The following GLE1 variants were observed in gnomAD, a reference collection of about 807,000 sequenced individuals.
GLE1 encodes GLE1 RNA export mediator, also known as mRNA export factor GLE1.
GLE1 carries 78 observed loss-of-function variants against 97.3 expected under a neutral mutation model. The observed-to-expected ratio is 0.80, with a 90% CI of 0.67 to 0.97. The LOEUF (loss-of-function observed/expected upper bound fraction) is 0.97, where lower values mean the gene tolerates loss of function less well. Among genes scored for constraint, GLE1 ranks in the 50% least tolerant of loss-of-function variants. The pLI, the probability that GLE1 is intolerant of heterozygous loss-of-function variation, is 0.00. For missense variants in GLE1, 753 were observed against 857.5 expected, an observed-to-expected ratio of 0.88 and a Z score of 1.52; for synonymous variants, 302 against 313.4, an observed-to-expected ratio of 0.96 and a Z score of 0.39.
chr9:128,525,099 C>A, intron 6 of GLE1, 93 bp from the exon 7 acceptor site: 1 of 892,656 alleles, frequency 1.1e-6, no homozygotes, highest in Non-Finnish European at 1.9e-6. Flanking sequence ...TCCATTGGTG[C>A]AACAATTCCA....
chr9:128,512,174 A>G (rs1243943982), intron 2 of GLE1, among the ~76,000 whole-genome samples: 2 of 152,218 alleles, frequency 1.3e-5, no homozygotes, highest in Admixed American at 1.3e-4. Flanking sequence ...AGAATAGCTT[A>G]GAGATGAGGG....
At chr9:128,532,211 T>G (rs1847538039) in intron 9 of GLE1, among the ~76,000 whole-genome samples, 1 of 1,194 alleles carries the variant, frequency 8.4e-4, no homozygotes. Context: ...CTGCTTTGCT[T>G]TTTTTTTTTT....
intron 11 of GLE1, among the ~76,000 whole-genome samples, chr9:128,535,493 G>T (rs1379192656): frequency 7.6e-6 from 1 of 131,470 alleles, no homozygotes; most frequent in Admixed American, 8.9e-5. Flanking sequence ...TTGCACTCCA[G>T]CCTGGGCAAC....
At chr9:128,512,358 A>G (rs970339463) in intron 2 of GLE1, among the ~76,000 whole-genome samples, 4 of 152,134 alleles carry the variant, frequency 2.6e-5, no homozygotes, top group African/African-American at 7.2e-5. Context: ...TGAAATCTGA[A>G]TAAGCTCTGT....
Position 128,533,532 on chromosome 9 carries a change from C to G in GLE1, c.1332C>G (p.Ile444Met), listed in dbSNP as rs1296884441. ...GCTCAGGCTCAAAACTGAAGGAGAT[C>G]TTTGACAAGATCCACAGCCTGCTCT... is the stretch of plus-strand genomic sequence containing the variant. ...STIAGSKLKE[I>M]FDKIHSLLSG... Residue 444 changes from isoleucine to methionine, a missense_variant, in exon 10 of 16, where the codon ATC becomes ATG. Coordinates refer to ENST00000309971, the MANE Select transcript of GLE1 (RefSeq NM_001003722.2). 1 of 1,602,766 alleles carries G rather than the reference C, an allele frequency of 6.2e-7. No homozygotes were observed. The highest frequency in any genetic ancestry group is 1.1e-5 in the South Asian group (1 of 90,906).
At position 128,533,542 on chromosome 9, in the gene GLE1, A is replaced by G; in HGVS notation, c.1342A>G (p.Ile448Val). The G allele has an allele frequency of 6.2e-7, 1 of 1,613,158 alleles. No homozygotes were observed. The highest frequency in any genetic ancestry group is 8.5e-7 in the Non-Finnish European group (1 of 1,179,288). Residue 448 changes from isoleucine to valine, a missense_variant, in exon 10 of 16, where the codon ATC becomes GTC. Coordinates refer to ENST00000309971, the MANE Select transcript of GLE1 (RefSeq NM_001003722.2). ...AAAACTGAAGGAGATCTTTGACAAG[A>G]TCCACAGCCTGCTCTCTGGAAAACC... Reference protein sequence around the residue: ...GSKLKEIFDKIHSLLSGKPVQ... With the variant: ...GSKLKEIFDKVHSLLSGKPVQ...
rs758627953 is a variant in GLE1 at position 128,522,746 on chromosome 9, C to A, written c.511C>A (p.Arg171=). The A allele has an allele frequency of 1.8e-5, 29 of 1,612,122 alleles. No individual in the cohort carries two copies. The highest frequency in any genetic ancestry group is 1.6e-4 in the Middle Eastern group (1 of 6,076). Reference sequence around the variant, plus strand: ...GGAGATGGCATCTGAACAACTGAAGCGGTTTGATGAATGGAAGGAACTGAA... The same window carrying A: ...GGAGATGGCATCTGAACAACTGAAGAGGTTTGATGAATGGAAGGAACTGAA... ...LSEMASEQLK[R]FDEWKELKQH... The change falls in exon 4 of 16, where the codon CGG becomes AGG. Residue 171 remains arginine (R), a synonymous_variant. Coordinates refer to ENST00000309971, the MANE Select transcript of GLE1 (RefSeq NM_001003722.2).
At chr9:128,513,607 G>C (rs1429689431) in intron 2 of GLE1, among the ~76,000 whole-genome samples, 1 of 151,966 alleles carries the variant, frequency 6.6e-6, no homozygotes. Flanking sequence ...CTACTCAGAA[G>C]GCTGAGGTAG....
chr9:128,534,040 T>A lies in GLE1; in HGVS notation c.1646+89T>A, dbSNP rs534288105. On this transcript the variant is annotated intron_variant, in intron 11 of 15. Transcript: ENST00000309971. ...GAATTTGTTTTTCCCTCCTCACAGC[T>A]CCTATTACGTACCTTGAATGTTCTA... 72 of 856,196 alleles carry A rather than the reference T, an allele frequency of 8.4e-5. No homozygotes were observed. The South Asian group carries it at 9.2e-4, about 11-fold the overall frequency. The allele number at this position is 856,196 out of a possible 1,614,324, so 53.0% of individuals were successfully genotyped here.
intron 3 of GLE1, among the ~76,000 whole-genome samples, chr9:128,516,678 G>A (rs1235071056): frequency 1.3e-5 from 2 of 150,458 alleles, no homozygotes; most frequent in Non-Finnish European, 3.0e-5. Flanking sequence ...GGGCTGGAGT[G>A]CAGTGGTGCA....
chr9:128,530,873 C>T (rs1014077383), intron 9 of GLE1, among the ~76,000 whole-genome samples: 2 of 142,418 alleles, frequency 1.4e-5, no homozygotes, highest in Non-Finnish European at 3.0e-5. Flanking sequence ...AGCACCACTG[C>T]ACTCCGTCCT....
At chr9:128,523,909 T>C (rs578026288) in intron 6 of GLE1, 63 bp downstream of exon 6, 10 of 1,556,540 alleles carry the variant, frequency 6.4e-6, no homozygotes, top group Non-Finnish European at 8.8e-6. Flanking sequence ...AAAGCAAAAC[T>C]GTTTTCTGAC....
intron 1 of GLE1, among the ~76,000 whole-genome samples, chr9:128,507,757 C>T (rs536271864): frequency 1.2e-3 from 173 of 149,936 alleles, no homozygotes; most frequent in Non-Finnish European, 1.9e-3. Context: ...GTGTGGTGGT[C>T]GACACCTGTA....
chr9:128,532,215 T>C (rs900300592), intron 9 of GLE1, among the ~76,000 whole-genome samples: 1 of 139,484 alleles, frequency 7.2e-6, no homozygotes, highest in African/African-American at 2.7e-5. Context: ...TTTGCTTTTT[T>C]TTTTTTTTTT....
chr9:128,528,121 C>T (rs1847362913), intron 9 of GLE1, among the ~76,000 whole-genome samples: 1 of 148,616 alleles, frequency 6.7e-6, no homozygotes, highest in Non-Finnish European at 1.5e-5. Context: ...TCTCCTCCCT[C>T]AGCCTTCTGA....
At chr9:128,505,436 T>C (rs1440581214) in intron 1 of GLE1, among the ~76,000 whole-genome samples, 1 of 152,198 alleles carries the variant, frequency 6.6e-6, no homozygotes, top group Admixed American at 6.5e-5. Context: ...GAGTCGCTGC[T>C]AGTTAGCTAC....
intron 1 of GLE1, among the ~76,000 whole-genome samples, chr9:128,507,282 A>T (rs1214912292): frequency 6.6e-6 from 1 of 152,102 alleles, no homozygotes; most frequent in Non-Finnish European, 1.5e-5. Flanking sequence ...CGAGTGCTTG[A>T]GGCCAGTTCA....
chr9:128,517,073 T>C (rs1192304972), intron 3 of GLE1, among the ~76,000 whole-genome samples: 1 of 151,932 alleles, frequency 6.6e-6, no homozygotes, highest in East Asian at 1.9e-4. Context: ...GTGGATCACC[T>C]GAGATAAGGA....
Position 128,540,329 on chromosome 9 carries a change from G to A in GLE1, c.2019G>A (p.Gln673=). 6.2e-7 allele frequency: 1 copy of A among 1,604,606 alleles called. No individual in the cohort carries two copies. Among genetic ancestry groups the A allele is most frequent in the South Asian group, 1.1e-5 (1 of 90,864 alleles). Residue 673 remains glutamine (Q), a synonymous_variant, in exon 15 of 16, where the codon CAG becomes CAA. Transcript: ENST00000309971. ...TGGGCTCCTTCATACGCCTCAAGCA[G>A]TTCTTGGAGGTAAGATGCCCTTAGA... ...GQMGSFIRLK[Q]FLEKCLQHKD... is the part of the protein sequence containing the mutation.
Sources: gnomAD v4.1 joint callset for allele counts (sites outside exome capture counted in the v4.1 genomes callset) on GRCh38, gnomAD v4.1.1 for gene constraint, MANE v1.5 for transcripts, NCBI Gene and HGNC (gene_info 2026-07-23, HGNC 2026-07-21) for gene names.